The following RELN variants were observed in gnomAD, a reference collection of about 807,000 sequenced individuals.
RELN encodes reelin.
In RELN, 108 loss-of-function variants were observed where a neutral mutation model predicts 427.6. The observed-to-expected ratio is 0.25, with a 90% CI of 0.22 to 0.30. RELN has a LOEUF of 0.30. Ranked by LOEUF, RELN falls within the 10% of genes least tolerant of loss-of-function variation. The pLI is 1.00. For synonymous variants in RELN, 1,524 were observed against 1,513.4 expected, an observed-to-expected ratio of 1.01 and a Z score of -0.16; for missense variants, 3,715 against 4,302.8, an observed-to-expected ratio of 0.86 and a Z score of 3.82.
intron 6 of RELN, among the ~76,000 whole-genome samples, chr7:103,731,692 T>C (rs904401071): frequency 6.6e-6 from 1 of 152,026 alleles, no homozygotes; most frequent in Non-Finnish European, 1.5e-5. Flanking sequence ...CTGGGGGCTA[T>C]TAATGTAACT....
At chr7:103,744,423 C>T (rs79443359) in intron 6 of RELN, among the ~76,000 whole-genome samples, 8,168 of 151,972 alleles carry the variant, frequency 0.054, 267 homozygotes, top group East Asian at 0.14. Flanking sequence ...CAGAGCAGAA[C>T]GGAAGGAAAT....
intron 4 of RELN, among the ~76,000 whole-genome samples, chr7:103,762,408 G>A (rs1791325052): frequency 6.6e-6 from 1 of 152,192 alleles, no homozygotes; most frequent in Admixed American, 6.5e-5. Flanking sequence ...AAGCTTAATT[G>A]ACACTCTAAC....
At chr7:103,966,075 A>T (rs1796654424) in intron 1 of RELN, among the ~76,000 whole-genome samples, 2 of 152,252 alleles carry the variant, frequency 1.3e-5, no homozygotes, top group Non-Finnish European at 2.9e-5. Context: ...TGATAAAAAC[A>T]AGACAAGTTC....
intron 41 of RELN, 104 bp from the exon 42 acceptor site, chr7:103,545,448 A>G: frequency 1.3e-6 from 1 of 768,090 alleles, no homozygotes; most frequent in South Asian, 1.5e-5. Context: ...ACCTATGCTC[A>G]ACACCCAAGA....
chr7:103,608,792 A>G (rs910912933), intron 22 of RELN, among the ~76,000 whole-genome samples: 5 of 152,236 alleles, frequency 3.3e-5, no homozygotes, highest in Non-Finnish European at 5.9e-5. Flanking sequence ...AGAAAATAAT[A>G]ATGTAGCACA....
chr7:103,786,755 A>G (rs1792027109), intron 3 of RELN, among the ~76,000 whole-genome samples: 1 of 152,170 alleles, frequency 6.6e-6, no homozygotes, highest in African/African-American at 2.4e-5. Context: ...TAATAGTTGG[A>G]GACTTTAACA....
chr7:103,502,966 T>G (rs1402499084), intron 52 of RELN, 50 bp downstream of exon 52: 1 of 1,451,382 alleles, frequency 6.9e-7, no homozygotes, highest in East Asian at 2.3e-5. Context: ...TACCTAATGG[T>G]GTACCTTCTG....
chr7:103,494,473 C>T (rs4729917), intron 57 of RELN, among the ~76,000 whole-genome samples: 4 of 150,564 alleles, frequency 2.7e-5, no homozygotes, highest in Non-Finnish European at 4.4e-5. Flanking sequence ...CCACTGGGCT[C>T]GAGTGATTCT....
chr7:103,899,683 A>G (rs1020898448), intron 2 of RELN, among the ~76,000 whole-genome samples: 12 of 152,194 alleles, frequency 7.9e-5, no homozygotes, highest in African/African-American at 2.7e-4. Flanking sequence ...TCACATAAAC[A>G]GAACCAACGA....
At chr7:103,927,725 C>G (rs149477076) in intron 1 of RELN, among the ~76,000 whole-genome samples, 156 of 152,090 alleles carry the variant, frequency 1.0e-3, no homozygotes, top group Admixed American at 2.2e-3. Flanking sequence ...AACAGAATAT[C>G]TTTGTGGTTA....
At chr7:103,670,968 A>T (rs1320373003) in intron 11 of RELN, among the ~76,000 whole-genome samples, 1 of 152,058 alleles carries the variant, frequency 6.6e-6, no homozygotes, top group African/African-American at 2.4e-5. Context: ...TGGCTATAAG[A>T]TCCTATATTG....
intron 2 of RELN, among the ~76,000 whole-genome samples, chr7:103,844,737 T>C (rs1793634045): frequency 6.6e-6 from 1 of 152,238 alleles, no homozygotes; most frequent in Admixed American, 6.5e-5. Context: ...ACTGTGGGAA[T>C]GATTAAGTAA....
intron 5 of RELN, among the ~76,000 whole-genome samples, chr7:103,750,836 C>T (rs1188794133): frequency 6.6e-6 from 1 of 152,176 alleles, no homozygotes; most frequent in East Asian, 1.9e-4. Flanking sequence ...TGCCAGGGAG[C>T]CATACATGGT....
intron 1 of RELN, among the ~76,000 whole-genome samples, chr7:103,938,047 G>A (rs1006016358): frequency 3.9e-5 from 6 of 152,154 alleles, no homozygotes; most frequent in Non-Finnish European, 7.3e-5. Flanking sequence ...CTGGCCGGGC[G>A]TGGTGGCTCA....
chr7:103,713,844 T>G (rs966717719), intron 8 of RELN, among the ~76,000 whole-genome samples: 1 of 152,166 alleles, frequency 6.6e-6, no homozygotes, highest in African/African-American at 2.4e-5. Flanking sequence ...TACCAATAGT[T>G]TGATAGTTCT....
rs772559228 is a variant in RELN at position 103,566,583 on chromosome 7, G to A, written c.4747+18C>T. 3 of 1,613,820 alleles carry A rather than the reference G, an allele frequency of 1.9e-6. No individual in the cohort carries two copies. The highest frequency in any genetic ancestry group is 2.5e-6 in the Non-Finnish European group (3 of 1,179,984). ...TGACCTAAAAGCTACCAGAAAGCTG[G>A]AGTGAGCAGTAACTTACCATGTTGC... On this transcript the variant is annotated intron_variant, in intron 32 of 64. Transcript: ENST00000428762.
Position 103,472,780 on chromosome 7 carries a change from G to T in RELN, c.*32C>A. The stretch of plus-strand genomic sequence containing the variant: ...AAGAATGGAGAGCAACACATCACAT[G>T]TTGGAAGAAAAAAAATAAACTTTTT... On this transcript the variant is annotated 3_prime_UTR_variant, in exon 65 of 65. Transcript: ENST00000428762. The T allele has an allele frequency of 1.3e-6, 2 of 1,508,856 alleles. No homozygotes were observed. The highest frequency in any genetic ancestry group is 1.8e-6 in the Non-Finnish European group (2 of 1,084,572). The allele number at this position is 1,508,856 out of a possible 1,614,324, so 93.5% of individuals were successfully genotyped here. A position where few individuals can be genotyped will look rare whatever the true frequency, so the allele number is the denominator to read the frequency against.
At chr7:103,682,335 T>C in intron 10 of RELN, 74 bp from the exon 11 acceptor site, 1 of 1,508,780 alleles carries the variant, frequency 6.6e-7, no homozygotes, top group Non-Finnish European at 9.2e-7. Flanking sequence ...TCATGTATAA[T>C]TAGAGTTTTT....
intron 11 of RELN, among the ~76,000 whole-genome samples, chr7:103,665,245 G>C (rs945773123): frequency 6.6e-5 from 10 of 151,954 alleles, no homozygotes; most frequent in African/African-American, 2.2e-4. Context: ...ATAAACGTGA[G>C]TCTGTTTCTA....
Sources: allele counts gnomAD v4.1 joint callset (sites outside exome capture counted in the v4.1 genomes callset), GRCh38; gene constraint gnomAD v4.1.1; transcripts MANE v1.5; gene names NCBI Gene and HGNC (gene_info 2026-07-23, HGNC 2026-07-21).